EFR3B: variants seen among roughly 807,000 people sequenced by gnomAD.
EFR3B encodes EFR3 homolog B.
EFR3B carries 64 observed loss-of-function variants against 104.7 expected under a neutral mutation model. The ratio of observed to expected loss-of-function variants is 0.61; its 90% CI spans 0.50 to 0.75. EFR3B has a LOEUF of 0.75. EFR3B is among the 30% of genes least tolerant of loss of function. The probability of loss-of-function intolerance (pLI) is 0.00; values close to 1 mark genes in which losing one functional copy is unlikely to be tolerated. For missense variants in EFR3B, 750 were observed against 1,078.5 expected (o/e 0.70, Z 4.27); for synonymous variants, 385 against 417.9 (o/e 0.92, Z 0.96).
chr2:25,089,180 C>A (rs1669043866), intron 1 of EFR3B, among the ~76,000 whole-genome samples: 1 of 152,154 alleles, frequency 6.6e-6, no homozygotes, highest in Non-Finnish European at 1.5e-5. Flanking sequence ...TGTCCCCAGA[C>A]CAGGACTGTC....
At chr2:25,097,816 C>G (rs908180283) in intron 3 of EFR3B, among the ~76,000 whole-genome samples, 5 of 152,280 alleles carry the variant, frequency 3.3e-5, no homozygotes, top group African/African-American at 1.2e-4. Context: ...GGGGAGGGAA[C>G]AGCAGTGCTG....
intron 4 of EFR3B, among the ~76,000 whole-genome samples, chr2:25,115,272 G>A (rs540737472): frequency 1.3e-5 from 2 of 152,322 alleles, no homozygotes; most frequent in South Asian, 4.1e-4. Context: ...GAGTGGCTCA[G>A]AAATCTGTAT....
chr2:25,143,929 C>G, intron 18 of EFR3B, 67 bp downstream of exon 18: 1 of 1,512,928 alleles, frequency 6.6e-7, no homozygotes, highest in Non-Finnish European at 8.9e-7. Context: ...AGGGCCTGAG[C>G]ATAAGGGACT....
At position 25,093,025 on chromosome 2, in the gene EFR3B, T is replaced by C; in HGVS notation, c.107T>C (p.Met36Thr). ...DPEDGLVKTN[M>T]EKLTFYALSA... Reference sequence around the variant, plus strand: ...CAGGATGGTCTGGTGAAGACCAACATGGAGAAGCTGACCTTCTATGCCCTC... The same window carrying C: ...CAGGATGGTCTGGTGAAGACCAACACGGAGAAGCTGACCTTCTATGCCCTC... The change falls in exon 3 of 23, where the codon ATG (methionine) becomes ACG (threonine). Residue 36 changes from methionine to threonine, a missense_variant. Physicochemically the swap from Met to Thr is moderately conservative, Grantham distance 81. Transcript: ENST00000403714. The C allele has an allele frequency of 5.2e-6, 8 of 1,548,142 alleles. No homozygotes were observed. Among genetic ancestry groups the C allele is most frequent in the Non-Finnish European group, 7.0e-6 (8 of 1,146,950 alleles).
chr2:25,146,578 C>A (rs930101467), intron 19 of EFR3B: 2 of 152,204 alleles, frequency 1.3e-5, no homozygotes, highest in Non-Finnish European at 2.9e-5. Flanking sequence ...AGGTAAGAGA[C>A]CCTCGGGAAT....
In EFR3B at chr2:25,133,019, G is replaced by A. The variant is rs1558615513; in HGVS notation, c.1259+5G>A. Reference sequence around the variant, plus strand: ...GGTGGACACAGGCAGGACGGGGTGAGCCACCAATCTCCCCCAGCCTGGAGT... The same window carrying A: ...GGTGGACACAGGCAGGACGGGGTGAACCACCAATCTCCCCCAGCCTGGAGT... On this transcript the variant is annotated splice_donor_5th_base_variant and intron_variant, in intron 11 of 22. Coordinates refer to ENST00000403714, the MANE Select transcript of EFR3B (RefSeq NM_014971.2). 1 of 1,550,746 alleles carries A rather than the reference G, an allele frequency of 6.4e-7. No homozygotes were observed. Among genetic ancestry groups the A allele is most frequent in the Non-Finnish European group, 8.7e-7 (1 of 1,146,230 alleles).
chr2:25,100,977 G>A (rs924866429), intron 3 of EFR3B, among the ~76,000 whole-genome samples: 23 of 152,184 alleles, frequency 1.5e-4, no homozygotes, highest in African/African-American at 5.1e-4. Flanking sequence ...TTCCAATGAG[G>A]TCAGTCACTT....
Position 25,042,632 on chromosome 2 carries a change from G to T in EFR3B, c.7+313G>T. Reference sequence around the variant, plus strand: ...CAGACCGGGAGTGCTGGAGGAGGTGGTCGTGTGGCAGCATTTGCGGAATTA... The same window carrying T: ...CAGACCGGGAGTGCTGGAGGAGGTGTTCGTGTGGCAGCATTTGCGGAATTA... On this transcript the variant is annotated intron_variant, in intron 1 of 22. Transcript: ENST00000403714. The surrounding 1 kb of genome is among the most constrained non-coding windows in gnomAD (Gnocchi z 5.4). The T allele has an allele frequency of 8.7e-7, 1 of 1,152,220 alleles. No individual in the cohort carries two copies. Among genetic ancestry groups the T allele is most frequent in the Non-Finnish European group, 1.1e-6 (1 of 937,340 alleles). 71.4% of individuals were successfully genotyped at this position (1,152,220 alleles called of 1,614,324 possible).
At chr2:25,054,942 A>G (rs926351079) in intron 1 of EFR3B, among the ~76,000 whole-genome samples, 2 of 152,216 alleles carry the variant, frequency 1.3e-5, no homozygotes, top group African/African-American at 4.8e-5. Context: ...CTTAAGCCAC[A>G]AAGAGGACAG....
intron 17 of EFR3B, among the ~76,000 whole-genome samples, chr2:25,143,164 A>C (rs1670721055): frequency 6.6e-6 from 1 of 151,864 alleles, no homozygotes; most frequent in African/African-American, 2.4e-5. Context: ...TGCGGTGAGC[A>C]GAGATGGTGC....
intron 1 of EFR3B, among the ~76,000 whole-genome samples, chr2:25,067,620 A>G (rs892355779): frequency 6.6e-6 from 1 of 151,698 alleles, no homozygotes; most frequent in East Asian, 1.9e-4. Flanking sequence ...TTTTTAGTAG[A>G]GACGGGGTTC....
In EFR3B at chr2:25,135,562, A is replaced by C; in HGVS notation, c.1407A>C (p.Glu469Asp). Residue 469 changes from glutamate (E) to aspartate (D), a missense_variant, in exon 13 of 23, where the codon GAA (glutamate) becomes GAC (aspartate). By Grantham distance (45) the Glu-to-Asp change is conservative (BLOSUM62 2). Coordinates refer to ENST00000403714, the MANE Select transcript of EFR3B (RefSeq NM_014971.2). ...LLSTALMEDAEIRLFVLEILI... is the reference protein window; with the variant it reads ...LLSTALMEDADIRLFVLEILI... The stretch of plus-strand genomic sequence containing the variant: ...CCACCGCCCTCATGGAGGATGCAGA[A>C]ATTCGACTCTTTGTTCTAGAGATTC... 3 of 1,551,982 alleles carry C rather than the reference A, an allele frequency of 1.9e-6. No homozygotes were observed. The highest frequency in any genetic ancestry group is 2.6e-6 in the Non-Finnish European group (3 of 1,147,050).
intron 1 of EFR3B, among the ~76,000 whole-genome samples, chr2:25,076,905 T>C (rs1307621577): frequency 6.6e-6 from 1 of 152,208 alleles, no homozygotes; most frequent in Non-Finnish European, 1.5e-5. Flanking sequence ...TCACCCACAC[T>C]ATCTCCCCAG....
intron 21 of EFR3B, 110 bp downstream of exon 21, chr2:25,152,130 C>A (rs1214461912): frequency 2.1e-6 from 2 of 965,758 alleles, no homozygotes; most frequent in East Asian, 2.7e-5. Flanking sequence ...CCACCAACCT[C>A]CCCCACCCCC....
intron 1 of EFR3B, among the ~76,000 whole-genome samples, chr2:25,046,307 C>G (rs1409632336): frequency 1.3e-5 from 2 of 151,680 alleles, no homozygotes; most frequent in Non-Finnish European, 2.9e-5. Flanking sequence ...ATTGCTTGAA[C>G]CTGGGAGGCG....
intron 2 of EFR3B, among the ~76,000 whole-genome samples, chr2:25,091,754 G>T (rs565635973): frequency 5.3e-5 from 8 of 152,272 alleles, no homozygotes; most frequent in African/African-American, 1.9e-4. Flanking sequence ...GCTCCCTGCC[G>T]GTCAGTGTGA....
At chr2:25,121,846 G>A (rs1670025109) in intron 5 of EFR3B, 52 bp downstream of exon 5, 1 of 1,550,620 alleles carries the variant, frequency 6.4e-7, no homozygotes, top group East Asian at 2.4e-5. Flanking sequence ...AGAAGCAACG[G>A]TGGGTCCTGT....
Position 25,053,318 on chromosome 2 carries a change from C to T in EFR3B, c.7+10999C>T, listed in dbSNP as rs76996875. 4.9e-3 allele frequency among the ~76,000 whole-genome samples: 743 copies of T among 152,248 alleles called. 11 individuals carry two copies. The highest frequency in any genetic ancestry group is 0.017 in the African/African-American group (691 of 41,540). ...AGGCCCCAGGAAGAGCTTTGGGGAC[C>T]ACAATGAGGATAGGTCCTGAGAGAC... On this transcript the variant is annotated intron_variant, in intron 1 of 22. Transcript: ENST00000403714.
intron 11 of EFR3B, among the ~76,000 whole-genome samples, 171 bp from the exon 12 acceptor site, chr2:25,133,212 G>C (rs747010146): frequency 6.6e-6 from 1 of 152,166 alleles, no homozygotes; most frequent in East Asian, 1.9e-4. Context: ...CTCCCAACGT[G>C]GGGGGAGCCA....
Sources: allele counts gnomAD v4.1 joint callset (sites outside exome capture counted in the v4.1 genomes callset), GRCh38; gene constraint gnomAD v4.1.1; non-coding constraint Gnocchi (gnomAD v3.1); transcripts MANE v1.5; gene names NCBI Gene and HGNC (gene_info 2026-07-23, HGNC 2026-07-21).